Variants in GAS6 observed in about 807,000 individuals in gnomAD.
GAS6 encodes growth arrest specific 6.
Under a neutral mutation model 75.8 loss-of-function variants are expected in GAS6, and 41 were observed. That is an observed-to-expected ratio of 0.54 (90% CI 0.42 to 0.70). The LOEUF (loss-of-function observed/expected upper bound fraction) is 0.70, where lower values mean the gene tolerates loss of function less well. Among genes scored for constraint, GAS6 ranks in the 30% least tolerant of loss-of-function variants. GAS6 has a pLI of 0.00. For missense variants in GAS6, 854 were observed against 940.2 expected (o/e 0.91, Z 1.20); for synonymous variants, 432 against 412.6 (o/e 1.05, Z -0.57).
chr13:113,863,802 G>A lies in GAS6; in HGVS notation c.88+31C>T. The A allele has an allele frequency of 6.5e-6, 9 of 1,389,600 alleles. No individual in the cohort carries two copies. The highest frequency in any genetic ancestry group is 8.3e-6 in the Non-Finnish European group (9 of 1,083,802). 86.1% of individuals were successfully genotyped at this position (1,389,600 alleles called of 1,614,324 possible). On this transcript the variant is annotated intron_variant, in intron 1 of 14. Transcript: ENST00000327773. This position sits in a 1 kb window ranked among gnomAD's most constrained non-coding sequence, Gnocchi z 9.4. ...CGCCCGGAGCCTCCTCCCGCCGCCCGGGGACGGGGTCTCGGGCCCGCGGGA... is the reference window on the plus strand; with the variant it reads ...CGCCCGGAGCCTCCTCCCGCCGCCCAGGGACGGGGTCTCGGGCCCGCGGGA...
At chr13:113,833,527 G>A (rs2051655672) in intron 8 of GAS6, 4 of 995,264 alleles carry the variant, frequency 4.0e-6, no homozygotes, top group Non-Finnish European at 3.6e-6. Flanking sequence ...GACAAGAGCC[G>A]CCCTGCCCAG....
At chr13:113,835,910 G>T in intron 6 of GAS6, 1 of 1,300,108 alleles carries the variant, frequency 7.7e-7, no homozygotes, top group East Asian at 3.2e-5. Context: ...GAGGGGTGGG[G>T]GGCGGCGGTG....
intron 2 of GAS6, among the ~76,000 whole-genome samples, chr13:113,854,534 C>T (rs1038970125): frequency 1.3e-5 from 2 of 152,340 alleles, no homozygotes; most frequent in South Asian, 2.1e-4. Flanking sequence ...AGCATGCTCC[C>T]GACAGCCCCC....
chr13:113,854,911 G>A (rs895438847), intron 2 of GAS6, among the ~76,000 whole-genome samples: 1 of 152,224 alleles, frequency 6.6e-6, no homozygotes, highest in Non-Finnish European at 1.5e-5. Flanking sequence ...GCCAGTCTGT[G>A]GGGGAGCAGA....
rs370679675 is a variant in GAS6, at chr13:113,835,476, G to A, written c.712+37C>T. On this transcript the variant is annotated intron_variant, in intron 7 of 14. Coordinates refer to ENST00000327773, the MANE Select transcript of GAS6 (RefSeq NM_000820.4). ...CTGGCACCCGTGTCTAGACTTGGGC[G>A]TCAGAGAAAGCGAGGGTGACCGCGT... 3.5e-4 allele frequency: 559 copies of A among 1,604,904 alleles called. 3 individuals are homozygous for A. The highest frequency in any genetic ancestry group is 3.2e-4 in the Non-Finnish European group (381 of 1,174,238).
chr13:113,844,366 A>T lies in GAS6; in HGVS notation c.343+2161T>A, dbSNP rs1456261037. The T allele has an allele frequency of 1.3e-5, 2 of 150,368 alleles. No individual in the cohort carries two copies. Among genetic ancestry groups the T allele is most frequent in the Admixed American group, 6.6e-5 (1 of 15,214 alleles). 9.3% of individuals were successfully genotyped at this position (150,368 alleles called of 1,614,324 possible). A position where few individuals can be genotyped will look rare whatever the true frequency, so the allele number is the denominator to read the frequency against. ...GAACAGAAAGGAACATGTAGCAATC[A>T]CTCCTCTTCATCCATGCAAGGAAGC... On this transcript the variant is annotated intron_variant, in intron 4 of 14. Transcript: ENST00000327773. This position sits in a 1 kb window ranked among gnomAD's most constrained non-coding sequence, Gnocchi z 5.7.
intron 4 of GAS6, chr13:113,840,170 C>T: frequency 3.0e-6 from 1 of 331,062 alleles, no homozygotes; most frequent in Non-Finnish European, 5.6e-6. Flanking sequence ...GCTCAGACCT[C>T]CCAGGGAGTA....
intron 4 of GAS6, chr13:113,842,442 A>AGC: frequency 2.5e-6 from 1 of 395,326 alleles, no homozygotes. Flanking sequence ...GCATCAGCAC[A>AGC]GCCGCCAGGA....
At chr13:113,838,741 G>A (rs183817386) in intron 5 of GAS6, among the ~76,000 whole-genome samples, 59 of 130,108 alleles carry the variant, frequency 4.5e-4, no homozygotes, top group African/African-American at 1.6e-3. Context: ...GGAAGGAGCC[G>A]GGGGGGTGCA....
At chr13:113,835,361 A>T in intron 7 of GAS6, 152 bp downstream of exon 7, 1 of 917,154 alleles carries the variant, frequency 1.1e-6, no homozygotes, top group Non-Finnish European at 1.6e-6. Context: ...TGGTGGTAGC[A>T]CAGGCCATTA....
chr13:113,835,157 C>T (rs888911489), intron 7 of GAS6, among the ~76,000 whole-genome samples: 1 of 152,260 alleles, frequency 6.6e-6, no homozygotes, highest in Non-Finnish European at 1.5e-5. Flanking sequence ...GCCAACAGGG[C>T]CCTCCCCATG....
chr13:113,833,940 GCC>G, intron 8 of GAS6, among the ~76,000 whole-genome samples: 1 of 148,552 alleles, frequency 6.7e-6, no homozygotes, highest in East Asian at 2.0e-4. Flanking sequence ...AGTGTGACAG[GCC>G]CCGGTGTGAC....
intron 4 of GAS6, chr13:113,842,254 T>G: frequency 4.9e-6 from 1 of 204,738 alleles, no homozygotes. Flanking sequence ...CGTTTGCTTG[T>G]TTTGCACAAA....
At chr13:113,850,257 A>G (rs2051862835) in intron 2 of GAS6, among the ~76,000 whole-genome samples, 1 of 152,128 alleles carries the variant, frequency 6.6e-6, no homozygotes, top group Non-Finnish European at 1.5e-5. Context: ...CCTTGGCCTG[A>G]AGCCCTGCAT....
At chr13:113,850,277 C>G (rs1413443602) in intron 2 of GAS6, among the ~76,000 whole-genome samples, 1 of 152,166 alleles carries the variant, frequency 6.6e-6, no homozygotes, top group Non-Finnish European at 1.5e-5. Context: ...TTAGCCATAT[C>G]TCCAGAGCAG....
At chr13:113,832,613 C>T (rs2051642896) in intron 9 of GAS6, 21 bp downstream of exon 9, 2 of 1,612,570 alleles carry the variant, frequency 1.2e-6, no homozygotes, top group African/African-American at 1.3e-5. Context: ...GTTGTGTTGC[C>T]TCCTGTGGAC....
At position 113,839,782 on chromosome 13, in the gene GAS6, C is replaced by T. The variant is rs2051756700; in HGVS notation, c.412G>A (p.Gly138Ser). The change falls in exon 5 of 15, where the codon GGC becomes AGC. Residue 138 changes from glycine to serine, a missense_variant. Coordinates refer to ENST00000327773, the MANE Select transcript of GAS6 (RefSeq NM_000820.4). Reference protein sequence around the residue: ...KGTQACQDLMGNFFCLCKAGW... With the variant: ...KGTQACQDLMSNFFCLCKAGW... ...GCTTTACACAGGCAGAAGAAGTTGCCCATGAGGTCCTGGCAGGCTTGGGTC... is the reference window on the plus strand; with the variant it reads ...GCTTTACACAGGCAGAAGAAGTTGCTCATGAGGTCCTGGCAGGCTTGGGTC... 1.2e-5 allele frequency: 19 copies of T among 1,613,908 alleles called. No homozygotes were observed. Among genetic ancestry groups the T allele is most frequent in the Non-Finnish European group, 1.5e-5 (18 of 1,180,020 alleles).
At position 113,822,367 on chromosome 13, in the gene GAS6, G is replaced by A. The variant is rs150369504; in HGVS notation, c.1654-181C>T. On this transcript the variant is annotated intron_variant, in intron 13 of 14. Transcript: ENST00000327773. Reference sequence around the variant, plus strand: ...TGGATGACACCCCCACCCCACCTGGGGCTCAGCTTCTCTGCACGTAAAGCC... The same window carrying A: ...TGGATGACACCCCCACCCCACCTGGAGCTCAGCTTCTCTGCACGTAAAGCC... 2.7e-3 allele frequency: 1,353 copies of A among 505,292 alleles called. 17 individuals are homozygous for A. The highest frequency in any genetic ancestry group is 0.024 in the African/African-American group (1,233 of 51,234). The allele number at this position is 505,292 out of a possible 1,614,324, so 31.3% of individuals were successfully genotyped here.
At chr13:113,834,883 A>T (rs1216546348) in intron 7 of GAS6, 1 of 439,588 alleles carries the variant, frequency 2.3e-6, no homozygotes, top group African/African-American at 2.0e-5. Flanking sequence ...TTCTTGAGGG[A>T]ATAAAAATGT....
Sources: allele counts gnomAD v4.1 joint callset (sites outside exome capture counted in the v4.1 genomes callset), GRCh38; gene constraint gnomAD v4.1.1; non-coding constraint Gnocchi (gnomAD v3.1); transcripts MANE v1.5; gene names NCBI Gene and HGNC (gene_info 2026-07-23, HGNC 2026-07-21).